SH3BP2: variants seen among roughly 807,000 people sequenced by gnomAD.
SH3BP2 encodes the protein SH3 domain binding protein 2, also known as SH3 domain-binding protein 2.
SH3BP2 carries 38 observed loss-of-function variants against 56.2 expected under a neutral mutation model. That is an observed-to-expected ratio of 0.68 (90% confidence interval 0.52 to 0.89). SH3BP2 has a LOEUF of 0.89. Among genes scored for constraint, SH3BP2 ranks in the 40% least tolerant of loss-of-function variants. SH3BP2 has a pLI of 0.00. For missense variants in SH3BP2, 748 were observed against 762.6 expected, an observed-to-expected ratio of 0.98 and a Z score of 0.23; for synonymous variants, 346 against 316.7, an observed-to-expected ratio of 1.09 and a Z score of -0.98.
chr4:2,826,544 G>GTGTGTGTGTGCATGTCTGCATGTTGCTC, intron 5 of SH3BP2: 1 of 273,506 alleles, frequency 3.7e-6, no homozygotes, highest in African/African-American at 2.5e-5. Context: ...GTTGCTCTGT[G>GTGTGTGTGTGCATGTCTGCATGTTGCTC]TGTGTGTGTG....
In SH3BP2 at chr4:2,819,002, T is replaced by C. The variant is rs923073822; in HGVS notation, c.-4-1612T>C. ...CAGACTGGAGAGCAGTGGCCAATCA[T>C]AGCTTACTGCCTCCTGGAACTCCTG... On this transcript the variant is annotated intron_variant, in intron 1 of 12. Transcript: ENST00000503393. 6 of 597,546 alleles carry C rather than the reference T, an allele frequency of 1.0e-5. No homozygotes were observed. In the African/African-American group the frequency reaches 1.2e-4, roughly 12 times the overall value. 37.0% of individuals were successfully genotyped at this position (597,546 alleles called of 1,614,324 possible).
Position 2,831,949 on chromosome 4 carries a change from C to T in SH3BP2, c.1377C>T (p.Val459=). ...EKVPLPNSVF[V]NTTESCEVER... is the part of the protein sequence containing the mutation. ...TGCCACTGCCCAACTCGGTCTTCGT[C>T]AACACCACGGAGTCCTGCGAAGTGG... The change falls in exon 10 of 13, where the codon GTC becomes GTT. Residue 459 remains valine, a synonymous_variant. Transcript: ENST00000503393. The surrounding 1 kb of genome is among the most constrained non-coding windows in gnomAD (Gnocchi z 4.1). The T allele has an allele frequency of 6.2e-7, 1 of 1,613,072 alleles. No homozygotes were observed. The highest frequency in any genetic ancestry group is 8.5e-7 in the Non-Finnish European group (1 of 1,180,018).
At position 2,833,831 on chromosome 4, in the gene SH3BP2, G is replaced by A. The variant is rs761772844; in HGVS notation, c.1683G>A (p.Arg561=). 5.7e-6 allele frequency: 9 copies of A among 1,568,042 alleles called. No individual in the cohort carries two copies. The highest frequency in any genetic ancestry group is 1.4e-5 in the African/African-American group (1 of 74,058). The change falls in exon 13 of 13, where the codon AGG becomes AGA. Residue 561 remains arginine, a synonymous_variant. Coordinates refer to ENST00000503393, the MANE Select transcript of SH3BP2 (RefSeq NM_001122681.2). The part of the protein sequence containing the change: ...LRHPYGYTGP[R] ...ACCCCTACGGCTACACTGGGCCTAG[G>A]TGATGGCAGTCCATGTGGCTGCCAG...
chr4:2,802,351 G>A (rs1261930711), intron 1 of SH3BP2, among the ~76,000 whole-genome samples: 1 of 151,828 alleles, frequency 6.6e-6, no homozygotes, highest in Non-Finnish European at 1.5e-5. Context: ...CCAAGATCGT[G>A]CCACTGCATT....
intron 1 of SH3BP2, chr4:2,798,988 T>C (rs2108696626): frequency 2.0e-6 from 2 of 985,698 alleles, no homozygotes; most frequent in East Asian, 1.1e-4. Context: ...CCCCAGGAGC[T>C]GCACGCAGCA....
chr4:2,818,737 C>A (rs1205538272), intron 1 of SH3BP2: 7 of 990,146 alleles, frequency 7.1e-6, no homozygotes, highest in Admixed American at 6.1e-5. Flanking sequence ...GGTTGGGGGT[C>A]CTGCGGCTGG....
chr4:2,820,565 T>C (rs780289250), intron 1 of SH3BP2, 49 bp from the exon 2 acceptor site: 7 of 1,612,810 alleles, frequency 4.3e-6, no homozygotes, highest in Non-Finnish European at 5.9e-6. Context: ...GGCTCAGCCA[T>C]CTCCTGCCTG....
rs1577367638 is a variant in SH3BP2 at position 2,829,786 on chromosome 4, C to T, written c.880C>T (p.Pro294Ser). Residue 294 changes from proline to serine, a missense_variant, in exon 8 of 13, where the codon CCC (proline) becomes TCC (serine). By Grantham distance (74) the Pro-to-Ser change is moderately conservative (BLOSUM62 -1). Coordinates refer to ENST00000503393, the MANE Select transcript of SH3BP2 (RefSeq NM_001122681.2). This position sits in a 1 kb window ranked among gnomAD's most constrained non-coding sequence, Gnocchi z 4.9. ...GCCCACCGCACCCGGCCTCCGGAAA[C>T]CCCCTTGCTTCCGGGAGAGTGCCAG... ...TMPTAPGLRK[P>S]PCFRESASPS... 5 of 1,613,190 alleles carry T rather than the reference C, an allele frequency of 3.1e-6. No homozygotes were observed. The highest frequency in any genetic ancestry group is 4.2e-6 in the Non-Finnish European group (5 of 1,179,910).
chr4:2,824,994 T>C (rs1724518927), intron 4 of SH3BP2, 132 bp from the exon 5 acceptor site: 2 of 832,634 alleles, frequency 2.4e-6, no homozygotes, highest in East Asian at 2.7e-5. Context: ...CACACAGCCA[T>C]GTTGTATCCA....
chr4:2,831,417 G>A lies in SH3BP2; in HGVS notation c.1242-154G>A, dbSNP rs960054650. 2.6e-5 allele frequency among the ~76,000 whole-genome samples: 4 copies of A among 152,190 alleles called. No individual in the cohort carries two copies. The highest frequency in any genetic ancestry group is 2.1e-4 in the South Asian group (1 of 4,830). ...AGGGCAGTCGGCACGAGCCCTACCC[G>A]GATCTCTGTTGTCCTGAGCTTTTTA... On this transcript the variant is annotated intron_variant, in intron 8 of 12. Coordinates refer to ENST00000503393, the MANE Select transcript of SH3BP2 (RefSeq NM_001122681.2). The surrounding 1 kb of genome is among the most constrained non-coding windows in gnomAD (Gnocchi z 4.1).
At chr4:2,814,321 G>T (rs1049809543) in intron 1 of SH3BP2, among the ~76,000 whole-genome samples, 2 of 152,142 alleles carry the variant, frequency 1.3e-5, no homozygotes, top group South Asian at 4.1e-4. Context: ...AACCCGATGG[G>T]GTGTCTCTGT....
intron 12 of SH3BP2, 26 bp downstream of exon 12, chr4:2,833,075 G>C (rs774461769): frequency 1.2e-6 from 2 of 1,610,684 alleles, no homozygotes; most frequent in South Asian, 2.2e-5. Context: ...GTGGGACGGG[G>C]ACCCTGGCCG....
rs1425235518 is a variant in SH3BP2, at chr4:2,831,394, G to A, written c.1242-177G>A. On this transcript the variant is annotated intron_variant, in intron 8 of 12. Transcript: ENST00000503393. The surrounding 1 kb of genome is among the most constrained non-coding windows in gnomAD (Gnocchi z 4.1). ...TGTCGGGCGATTCCTGCTGTCCCAGGGCAGTCGGCACGAGCCCTACCCGGA... is the reference window on the plus strand; with the variant it reads ...TGTCGGGCGATTCCTGCTGTCCCAGAGCAGTCGGCACGAGCCCTACCCGGA... 6.6e-6 allele frequency among the ~76,000 whole-genome samples: 1 copy of A among 152,192 alleles called. No homozygotes were observed. The highest frequency in any genetic ancestry group is 2.4e-5 in the African/African-American group (1 of 41,448).
intron 1 of SH3BP2, among the ~76,000 whole-genome samples, chr4:2,805,297 C>A (rs568663198): frequency 6.6e-6 from 1 of 152,184 alleles, no homozygotes; most frequent in Non-Finnish European, 1.5e-5. Flanking sequence ...CCTTGCCTAT[C>A]GATGAGGATG....
intron 1 of SH3BP2, chr4:2,796,435 C>A (rs1723064138): frequency 2.0e-6 from 2 of 985,408 alleles, no homozygotes; most frequent in Admixed American, 1.2e-4. Context: ...GGCCCCCGAT[C>A]ACAGATCGTG....
At chr4:2,802,946 C>T (rs1723371969) in intron 1 of SH3BP2, among the ~76,000 whole-genome samples, 1 of 152,158 alleles carries the variant, frequency 6.6e-6, no homozygotes, top group South Asian at 2.1e-4. Flanking sequence ...ATGATGGGGG[C>T]CACGCCTGGG....
At chr4:2,833,121 A>C in intron 12 of SH3BP2, 72 bp downstream of exon 12, 1 of 1,389,676 alleles carries the variant, frequency 7.2e-7, no homozygotes, top group Non-Finnish European at 1.0e-6. Flanking sequence ...AATCTCCCTG[A>C]TGAGGCATAG....
chr4:2,829,852 T>C lies in SH3BP2; in HGVS notation c.946T>C (p.Ser316Pro). 6.2e-7 allele frequency: 1 copy of C among 1,613,602 alleles called. No individual in the cohort carries two copies. The highest frequency in any genetic ancestry group is 8.5e-7 in the Non-Finnish European group (1 of 1,179,990). The part of the protein sequence containing the change: ...EPWTPGHGAC[S>P]TSSAAIMATA... ...CTGGACCCCTGGCCACGGGGCCTGC[T>C]CCACTTCCAGTGCTGCCATCATGGC... The change falls in exon 8 of 13, where the codon TCC (serine) becomes CCC (proline). Residue 316 changes from serine to proline, a missense_variant. Coordinates refer to ENST00000503393, the MANE Select transcript of SH3BP2 (RefSeq NM_001122681.2). The surrounding 1 kb of genome is among the most constrained non-coding windows in gnomAD (Gnocchi z 4.9).
At chr4:2,807,306 C>G (rs190410894) in intron 1 of SH3BP2, among the ~76,000 whole-genome samples, 5 of 152,322 alleles carry the variant, frequency 3.3e-5, no homozygotes, top group Admixed American at 2.6e-4. Flanking sequence ...TCACTCTGAG[C>G]TCTGAAGGAT....
Sources: allele counts gnomAD v4.1 joint callset (sites outside exome capture counted in the v4.1 genomes callset), GRCh38; gene constraint gnomAD v4.1.1; non-coding constraint Gnocchi (gnomAD v3.1); transcripts MANE v1.5; gene names NCBI Gene and HGNC (gene_info 2026-07-23, HGNC 2026-07-21).